ASXL2: variants seen among roughly 807,000 people sequenced by gnomAD.
ASXL2 encodes putative Polycomb group protein ASXL2.
ASXL2 carries 23 observed loss-of-function variants against 122.0 expected under a neutral mutation model. That is an observed-to-expected ratio of 0.19 (90% CI 0.14 to 0.27). ASXL2 has a LOEUF of 0.27. Among genes scored for constraint, ASXL2 ranks in the 10% least tolerant of loss-of-function variants. ASXL2 has a pLI of 1.00. For synonymous variants in ASXL2, 650 were observed against 637.0 expected, an observed-to-expected ratio of 1.02 and a Z score of -0.31; for missense variants, 1,518 against 1,713.8, an observed-to-expected ratio of 0.89 and a Z score of 2.02.
chr2:25,817,878 A>G (rs536502286), intron 3 of ASXL2, among the ~76,000 whole-genome samples: 4 of 152,336 alleles, frequency 2.6e-5, no homozygotes, highest in African/African-American at 9.6e-5. Flanking sequence ...ATGCCTATAC[A>G]TAACATTCAA....
intron 5 of ASXL2, among the ~76,000 whole-genome samples, chr2:25,788,495 A>G (rs1251829255): frequency 6.6e-6 from 1 of 152,198 alleles, no homozygotes; most frequent in African/African-American, 2.4e-5. Context: ...AATTAGCTAT[A>G]CTATGGACAG....
At chr2:25,833,841 G>A (rs1353054996) in intron 3 of ASXL2, among the ~76,000 whole-genome samples, 2 of 152,126 alleles carry the variant, frequency 1.3e-5, no homozygotes, top group East Asian at 1.9e-4. Context: ...TTAACCTTGA[G>A]CAGAGTAGAC....
intron 5 of ASXL2, among the ~76,000 whole-genome samples, chr2:25,778,100 T>C (rs1419164964): frequency 6.6e-6 from 1 of 152,222 alleles, no homozygotes; most frequent in Non-Finnish European, 1.5e-5. Flanking sequence ...AGGTAACCTA[T>C]AGCTGGCTGA....
intron 1 of ASXL2, among the ~76,000 whole-genome samples, chr2:25,849,971 G>A (rs1260884371): frequency 6.6e-6 from 1 of 152,060 alleles, no homozygotes; most frequent in Non-Finnish European, 1.5e-5. Flanking sequence ...TTTTTATTAT[G>A]GAAATCTAAA....
chr2:25,781,966 CTTTTTTTTT>C (rs35973982), intron 5 of ASXL2, among the ~76,000 whole-genome samples: 1 of 81,074 alleles, frequency 1.2e-5, no homozygotes, highest in East Asian at 2.9e-4. Context: ...GGGCTTTTTT[CTTTTTTTTT>C]TTTTTTTTTT....
At chr2:25,853,400 A>G (rs2089741079) in intron 1 of ASXL2, among the ~76,000 whole-genome samples, 1 of 152,112 alleles carries the variant, frequency 6.6e-6, no homozygotes, top group Non-Finnish European at 1.5e-5. Flanking sequence ...GTGTCCTGAG[A>G]TGCACTTTTC....
At chr2:25,864,507 A>T (rs1408861195) in intron 1 of ASXL2, among the ~76,000 whole-genome samples, 1 of 152,142 alleles carries the variant, frequency 6.6e-6, no homozygotes, top group African/African-American at 2.4e-5. Flanking sequence ...AACACAGATG[A>T]TGACTCTAGC....
Position 25,738,863 on chromosome 2 carries a change from T to C in ASXL2, c.*3166A>G, listed in dbSNP as rs2087779860. Reference sequence around the variant, plus strand: ...CACCCCAAGTTTCCCATTTGCCAGCTCTTATTCTTAGAAATGTTACATGAA... The same window carrying C: ...CACCCCAAGTTTCCCATTTGCCAGCCCTTATTCTTAGAAATGTTACATGAA... On this transcript the variant is annotated 3_prime_UTR_variant, in exon 13 of 13. Transcript: ENST00000435504. The C allele has an allele frequency of 6.6e-6, 1 of 152,188 alleles. No homozygotes were observed. Among genetic ancestry groups the C allele is most frequent in the Non-Finnish European group, 1.5e-5 (1 of 68,044 alleles). 9.4% of individuals were successfully genotyped at this position (152,188 alleles called of 1,614,324 possible).
intron 1 of ASXL2, among the ~76,000 whole-genome samples, chr2:25,860,213 A>C (rs1241991403): frequency 6.6e-6 from 1 of 152,110 alleles, no homozygotes; most frequent in Non-Finnish European, 1.5e-5. Context: ...CCGGAGGCTA[A>C]GGCAGGAGAA....
Position 25,744,303 on chromosome 2 carries a change from G to GGCGGCA in ASXL2, c.2028_2033dup (p.Ala683_Ala684dup), listed in dbSNP as rs1366633810. ...CAACTGAGGCGGCTGCAGCAGCTGCGGCGGCAGCGGCAGCTGCTGCCCTCT... is the reference window on the plus strand; with the variant it reads ...CAACTGAGGCGGCTGCAGCAGCTGCGGCGGCAGCGGCAGCGGCAGCTGCTGCCCTCT... On this transcript the variant is annotated inframe_insertion, in exon 13 of 13. Transcript: ENST00000435504. This position sits in a 1 kb window ranked among gnomAD's most constrained non-coding sequence, Gnocchi z 4.7. The GGCGGCA allele has an allele frequency of 4.3e-6, 7 of 1,611,280 alleles. No individual in the cohort carries two copies. Among genetic ancestry groups the GGCGGCA allele is most frequent in the South Asian group, 2.2e-5 (2 of 90,922 alleles).
At chr2:25,840,963 T>C (rs1481984523) in intron 2 of ASXL2, among the ~76,000 whole-genome samples, 1 of 152,208 alleles carries the variant, frequency 6.6e-6, no homozygotes, top group Non-Finnish European at 1.5e-5. Context: ...AGAAGCATAG[T>C]ACGTGTTTCA....
chr2:25,836,840 T>TAAAATGCCA (rs1182799315), intron 2 of ASXL2, among the ~76,000 whole-genome samples: 14 of 152,334 alleles, frequency 9.2e-5, no homozygotes, highest in Non-Finnish European at 1.6e-4. Context: ...GTCTAATTCA[T>TAAAATGCCA]AAAATGCCAA....
At chr2:25,774,440 G>A (rs2088513556) in intron 5 of ASXL2, among the ~76,000 whole-genome samples, 1 of 152,194 alleles carries the variant, frequency 6.6e-6, no homozygotes, top group South Asian at 2.1e-4. Flanking sequence ...TAATAGCAGA[G>A]GTTACTTTTA....
intron 5 of ASXL2, among the ~76,000 whole-genome samples, chr2:25,786,365 C>T (rs1220773518): frequency 1.3e-5 from 2 of 151,236 alleles, no homozygotes; most frequent in Non-Finnish European, 2.9e-5. Context: ...CTCAGCCTCC[C>T]AGGTAGCTGG....
chr2:25,855,971 A>ACAGCCT (rs1057280950), intron 1 of ASXL2, among the ~76,000 whole-genome samples: 2 of 151,354 alleles, frequency 1.3e-5, no homozygotes, highest in African/African-American at 2.4e-5. Flanking sequence ...TCAGCTCACC[A>ACAGCCT]CAGCCTCCGT....
chr2:25,831,661 A>T (rs942719516), intron 3 of ASXL2, among the ~76,000 whole-genome samples: 1 of 152,236 alleles, frequency 6.6e-6, no homozygotes, highest in Non-Finnish European at 1.5e-5. Flanking sequence ...CTCAAAAAAC[A>T]AAAAACCTGA....
chr2:25,744,006 G>C lies in ASXL2; in HGVS notation c.2331C>G (p.Pro777=), dbSNP rs904977325. The C allele has an allele frequency of 1.9e-6, 3 of 1,614,002 alleles. No homozygotes were observed. The highest frequency in any genetic ancestry group is 2.5e-6 in the Non-Finnish European group (3 of 1,179,880). ...TGACGGCAGGTGTTGGAGGCACTGGGGGGGTTTGCTGTAGTTGTGCTCCAG... is the reference window on the plus strand; with the variant it reads ...TGACGGCAGGTGTTGGAGGCACTGGCGGGGTTTGCTGTAGTTGTGCTCCAG... The part of the protein sequence containing the change: ...SVSGAQLQQT[P]PVPPTPAVSG... Residue 777 remains proline (P), a synonymous_variant, in exon 13 of 13, where the codon CCC becomes CCG. Transcript: ENST00000435504. The surrounding 1 kb of genome is among the most constrained non-coding windows in gnomAD (Gnocchi z 4.7).
chr2:25,757,463 C>G (rs142075936), intron 9 of ASXL2, among the ~76,000 whole-genome samples: 2,326 of 148,256 alleles, frequency 0.016, 24 homozygotes, highest in Admixed American at 0.02. Flanking sequence ...ATGGTGAAAC[C>G]CCGTCTCTAC....
intron 5 of ASXL2, among the ~76,000 whole-genome samples, chr2:25,785,099 T>C (rs548775780): frequency 6.6e-6 from 1 of 152,380 alleles, no homozygotes; most frequent in Admixed American, 6.5e-5. Context: ...AGGTGAATTA[T>C]AGACTTGTGA....
Sources: allele counts gnomAD v4.1 joint callset (sites outside exome capture counted in the v4.1 genomes callset), GRCh38; gene constraint gnomAD v4.1.1; non-coding constraint Gnocchi (gnomAD v3.1); transcripts MANE v1.5; gene names NCBI Gene and HGNC (gene_info 2026-07-23, HGNC 2026-07-21).